LYPLA1: variants seen among roughly 807,000 people sequenced by gnomAD.
LYPLA1 encodes the protein lysophospholipase 1.
Under a neutral mutation model 34.0 loss-of-function variants are expected in LYPLA1, and 17 were observed. That is an observed-to-expected ratio of 0.50 (90% CI 0.34 to 0.75). The LOEUF is 0.75. Ranked by LOEUF, LYPLA1 falls within the 30% of genes least tolerant of loss-of-function variation. The probability of loss-of-function intolerance (pLI) is 0.01; values close to 1 mark genes in which losing one functional copy is unlikely to be tolerated. For missense variants in LYPLA1, 203 were observed against 288.8 expected (o/e 0.70, Z 2.15); for synonymous variants, 98 against 100.8 (o/e 0.97, Z 0.17).
intron 2 of LYPLA1, among the ~76,000 whole-genome samples, chr8:54,081,620 C>T (rs574599759): frequency 6.4e-4 from 98 of 152,008 alleles, no homozygotes; most frequent in African/African-American, 2.2e-3. Context: ...TTTCACCATG[C>T]TGGTCAGGCT....
At chr8:54,066,273 T>A (rs1459317135) in intron 2 of LYPLA1, among the ~76,000 whole-genome samples, 1 of 152,078 alleles carries the variant, frequency 6.6e-6, no homozygotes, top group East Asian at 1.9e-4. Context: ...TCAATACTAT[T>A]AAAACAACAC....
At chr8:54,059,705 G>A (rs1806462330) in intron 5 of LYPLA1, among the ~76,000 whole-genome samples, 1 of 152,202 alleles carries the variant, frequency 6.6e-6, no homozygotes, top group Non-Finnish European at 1.5e-5. Context: ...AGGATCACCT[G>A]AGGGCAAGAG....
chr8:54,084,966 TCCTCTC>T (rs953410208), intron 2 of LYPLA1, among the ~76,000 whole-genome samples: 71 of 150,942 alleles, frequency 4.7e-4, no homozygotes, highest in African/African-American at 1.1e-3. Context: ...TAAAGAATCC[TCCTCTC>T]CCTCTCCCTC....
At chr8:54,086,600 A>C (rs1214186042) in intron 2 of LYPLA1, among the ~76,000 whole-genome samples, 1 of 148,924 alleles carries the variant, frequency 6.7e-6, no homozygotes, top group South Asian at 2.1e-4. Context: ...GTGATGGCTC[A>C]CACTCGTAAT....
At chr8:54,084,141 AATATATAT>A (rs760476706) in intron 2 of LYPLA1, among the ~76,000 whole-genome samples, 2 of 118,676 alleles carry the variant, frequency 1.7e-5, no homozygotes, top group Admixed American at 1.6e-4. Flanking sequence ...AAAATAAATA[AATATATAT>A]ATATATATAT....
chr8:54,093,014 A>G (rs1227686973), intron 2 of LYPLA1, among the ~76,000 whole-genome samples: 2 of 152,198 alleles, frequency 1.3e-5, no homozygotes, highest in East Asian at 3.8e-4. Flanking sequence ...ATCAGTCCCA[A>G]TCAGTCTTAC....
chr8:54,074,348 C>A (rs1254608853), intron 2 of LYPLA1, among the ~76,000 whole-genome samples: 1 of 152,212 alleles, frequency 6.6e-6, no homozygotes, highest in Non-Finnish European at 1.5e-5. Context: ...ACAATTCCTG[C>A]AGTAAACAAC....
intron 2 of LYPLA1, among the ~76,000 whole-genome samples, chr8:54,099,832 C>T (rs1245100578): frequency 2.0e-5 from 3 of 151,978 alleles, no homozygotes; most frequent in Non-Finnish European, 2.9e-5. Flanking sequence ...TACAGGCATG[C>T]ACCACCACAC....
downstream of LYPLA1, among the ~76,000 whole-genome samples, chr8:54,046,202 A>C (rs1194616880): frequency 6.6e-6 from 1 of 152,214 alleles, no homozygotes; most frequent in Non-Finnish European, 1.5e-5. Flanking sequence ...AAACTGAATA[A>C]CATGAGATTA....
At chr8:54,045,872 C>T (rs998024143), downstream of LYPLA1, among the ~76,000 whole-genome samples, 3 of 152,114 alleles carry the variant, frequency 2.0e-5, no homozygotes, top group Admixed American at 6.6e-5. Flanking sequence ...ACCAGCTTGG[C>T]CAACGTGGCA....
At chr8:54,049,433 T>A (rs1805693316) in intron 8 of LYPLA1, among the ~76,000 whole-genome samples, 1 of 152,100 alleles carries the variant, frequency 6.6e-6, no homozygotes, top group South Asian at 2.1e-4. Context: ...AGGGTCTCAC[T>A]CTGTCACTCA....
rs557157761 is a variant in LYPLA1, at chr8:54,064,073, T to C, written c.168-698A>G. 2.6e-5 allele frequency among the ~76,000 whole-genome samples: 4 copies of C among 151,118 alleles called. No individual in the cohort carries two copies. In the East Asian group the frequency reaches 7.8e-4, roughly 30 times the overall value. On this transcript the variant is annotated intron_variant, in intron 3 of 8. Coordinates refer to ENST00000316963, the MANE Select transcript of LYPLA1 (RefSeq NM_006330.4). The stretch of plus-strand genomic sequence containing the variant: ...ACTTCCTAGGTTGGGCAACAGCCTT[T>C]TAAAGCAGTTCAACTTGGGGCAAAT...
chr8:54,095,185 C>A (rs1228727975), intron 2 of LYPLA1, among the ~76,000 whole-genome samples: 1 of 151,980 alleles, frequency 6.6e-6, no homozygotes, highest in Non-Finnish European at 1.5e-5. Context: ...TTAGTAGAGA[C>A]GAGGTTTCGT....
intron 2 of LYPLA1, among the ~76,000 whole-genome samples, chr8:54,097,256 C>G (rs563509657): frequency 1.8e-4 from 28 of 152,174 alleles, no homozygotes; most frequent in Middle Eastern, 3.4e-3. Flanking sequence ...TCTACTGATG[C>G]GCGCAATGAA....
intron 6 of LYPLA1, 124 bp downstream of exon 6, chr8:54,054,936 A>G (rs1377854054): frequency 3.1e-6 from 2 of 642,374 alleles, no homozygotes; most frequent in Non-Finnish European, 5.5e-6. Flanking sequence ...TTAAACATCA[A>G]AGGTAAGTGT....
intron 2 of LYPLA1, among the ~76,000 whole-genome samples, chr8:54,081,300 C>T (rs1215760064): frequency 6.6e-6 from 1 of 152,038 alleles, no homozygotes; most frequent in Non-Finnish European, 1.5e-5. Context: ...TGTGCTACTT[C>T]TCTTAACTGT....
chr8:54,086,551 G>A (rs1405826334), intron 2 of LYPLA1, among the ~76,000 whole-genome samples: 2 of 123,618 alleles, frequency 1.6e-5, no homozygotes, highest in Non-Finnish European at 3.2e-5. Context: ...AAACCAAAGG[G>A]TACCAAAAAA....
intron 7 of LYPLA1, 60 bp from the exon 8 acceptor site, chr8:54,051,248 G>A (rs779387105): frequency 2.2e-5 from 31 of 1,388,706 alleles, no homozygotes; most frequent in Non-Finnish European, 2.9e-5. Context: ...CACTATGCCA[G>A]GCATTTAAAA....
intron 5 of LYPLA1, among the ~76,000 whole-genome samples, chr8:54,060,875 AG>A (rs1242467431): frequency 6.6e-6 from 1 of 151,048 alleles, no homozygotes; most frequent in Non-Finnish European, 1.5e-5. Context: ...TTGTATTTTT[AG>A]TAGAGACGGG....
Sources: gnomAD v4.1 joint callset for allele counts (sites outside exome capture counted in the v4.1 genomes callset) on GRCh38, gnomAD v4.1.1 for gene constraint, MANE v1.5 for transcripts, NCBI Gene and HGNC (gene_info 2026-07-23, HGNC 2026-07-21) for gene names.